The following ABCA4 variants were observed in gnomAD, a reference collection of about 807,000 sequenced individuals.
The protein encoded by ABCA4 is ATP binding cassette subfamily A member 4.
Under a neutral mutation model 263.7 loss-of-function variants are expected in ABCA4, and 196 were observed. That is an observed-to-expected ratio of 0.74 (90% CI 0.66 to 0.84). The LOEUF (loss-of-function observed/expected upper bound fraction) is 0.84. ABCA4 is among the 40% of genes least tolerant of loss of function. The pLI, the probability that ABCA4 is intolerant of heterozygous loss-of-function variation, is 0.00. For synonymous variants in ABCA4, 1,133 were observed against 1,094.2 expected, an observed-to-expected ratio of 1.04 and a Z score of -0.70; for missense variants, 2,792 against 2,855.1, an observed-to-expected ratio of 0.98 and a Z score of 0.50.
intron 31 of ABCA4, 30 bp from the exon 32 acceptor site, chr1:94,023,448 A>G (rs1024061962): frequency 8.2e-6 from 13 of 1,578,136 alleles, no homozygotes; most frequent in Non-Finnish European, 1.1e-5. Context: ...AATGCAATGA[A>G]TACCACAAGT....
At chr1:94,064,212 G>A (rs532039674) in intron 11 of ABCA4, among the ~76,000 whole-genome samples, 8 of 152,300 alleles carry the variant, frequency 5.3e-5, no homozygotes, top group African/African-American at 1.4e-4. Context: ...GAGCCTGGTC[G>A]ACTCTAGGAA....
chr1:94,001,183 C>T, intron 45 of ABCA4, 78 bp from the exon 46 acceptor site: 1 of 1,216,502 alleles, frequency 8.2e-7, no homozygotes, highest in Non-Finnish European at 1.2e-6. Context: ...GGGCTGGCTC[C>T]CCTGTGGAGG....
chr1:94,055,476 G>A (rs767219962), intron 15 of ABCA4, among the ~76,000 whole-genome samples, 161 bp from the exon 16 acceptor site: 13 of 152,146 alleles, frequency 8.5e-5, no homozygotes, highest in Non-Finnish European at 1.6e-4. Context: ...TTCCCTTGAC[G>A]GCCAGGGGGA....
At chr1:94,018,707 A>T in intron 36 of ABCA4, 1 of 423,510 alleles carries the variant, frequency 2.4e-6, no homozygotes, top group Non-Finnish European at 4.7e-6. Flanking sequence ...AGACACCTAG[A>T]ATAAATTGGG....
chr1:94,056,556 C>T (rs1557784584), intron 15 of ABCA4, 45 bp downstream of exon 15: 2 of 1,590,630 alleles, frequency 1.3e-6, no homozygotes, highest in Non-Finnish European at 1.7e-6. Flanking sequence ...ACGGACCCTT[C>T]CAAGGAAACG....
intron 43 of ABCA4, 134 bp downstream of exon 43, chr1:94,007,500 G>T: frequency 1.3e-6 from 1 of 793,796 alleles, no homozygotes; most frequent in East Asian, 2.5e-5. Context: ...CATGCTCTCT[G>T]GGAGGCCTCC....
At chr1:94,098,657 T>C (rs1662199939) in intron 6 of ABCA4, 137 bp downstream of exon 6, 1 of 1,001,644 alleles carries the variant, frequency 1.0e-6, no homozygotes, top group Non-Finnish European at 1.5e-6. Flanking sequence ...TTGTGATTTT[T>C]TGAGCCCTGG....
chr1:94,051,787 C>A, intron 16 of ABCA4, 89 bp from the exon 17 acceptor site: 1 of 975,306 alleles, frequency 1.0e-6, no homozygotes, highest in South Asian at 1.4e-5. Context: ...AGTTTATTTA[C>A]CTGAACCTCA....
At chr1:94,094,633 G>A (rs1280991934) in intron 6 of ABCA4, among the ~76,000 whole-genome samples, 2 of 152,180 alleles carry the variant, frequency 1.3e-5, no homozygotes, top group African/African-American at 4.8e-5. Flanking sequence ...CTTGGCACCC[G>A]CCTCGGTTCC....
chr1:94,001,641 G>A (rs769004216), intron 45 of ABCA4: 14 of 723,222 alleles, frequency 1.9e-5, no homozygotes, highest in African/African-American at 5.2e-5. Flanking sequence ...CAGGATGTGC[G>A]CAGTCCCAAG....
chr1:94,007,699 G>A lies in ABCA4; in HGVS notation c.5940C>T (p.Thr1980=), dbSNP rs758129527. Reference sequence around the variant, plus strand: ...TGTCCCCAGTGAGCATCTTGAATGTGGTTGTTTTGCCGGCACCATTCACTC... The same window carrying A: ...TGTCCCCAGTGAGCATCTTGAATGTAGTTGTTTTGCCGGCACCATTCACTC... ...LLGVNGAGKT[T]TFKMLTGDTT... Residue 1980 remains threonine, a synonymous_variant, in exon 43 of 50, where the codon ACC becomes ACT. Coordinates refer to ENST00000370225, the MANE Select transcript of ABCA4 (RefSeq NM_000350.3). 1.9e-6 allele frequency: 3 copies of A among 1,614,052 alleles called. No homozygotes were observed. The highest frequency in any genetic ancestry group is 2.2e-5 in the South Asian group (2 of 91,076).
intron 6 of ABCA4, among the ~76,000 whole-genome samples, chr1:94,092,319 G>A (rs554688920): frequency 6.6e-6 from 1 of 152,328 alleles, no homozygotes; most frequent in Admixed American, 6.5e-5. Context: ...GTGCTGCTGT[G>A]TTCAGTCCTG....
At chr1:94,002,550 G>A (rs187471033) in intron 44 of ABCA4, among the ~76,000 whole-genome samples, 139 of 152,374 alleles carry the variant, frequency 9.1e-4, no homozygotes, top group African/African-American at 3.2e-3. Flanking sequence ...ACAGTGCTGT[G>A]AGGGAACGAT....
intron 6 of ABCA4, among the ~76,000 whole-genome samples, chr1:94,091,304 C>G (rs1376634498): frequency 6.6e-6 from 1 of 152,072 alleles, no homozygotes; most frequent in African/African-American, 2.4e-5. Context: ...GATGAGGGTC[C>G]GGTCCTCACA....
rs185225547 is a variant in ABCA4, at chr1:94,078,714, C to G, written c.1240-8G>C. 1,562 of 1,595,540 alleles carry G rather than the reference C, an allele frequency of 9.8e-4. No homozygotes were observed. Among genetic ancestry groups the G allele is most frequent in the Non-Finnish European group, 1.3e-3 (1,509 of 1,162,976 alleles). ...TTCAAAAGTTGAGTTGGCCTAAAAC[C>G]AGACAGAGATCAAGACAGAGACACG... is the stretch of plus-strand genomic sequence containing the variant. On this transcript the variant is annotated splice_polypyrimidine_tract_variant and splice_region_variant and intron_variant, in intron 9 of 49. Coordinates refer to ENST00000370225, the MANE Select transcript of ABCA4 (RefSeq NM_000350.3).
chr1:94,072,497 A>T (rs1050705435), intron 11 of ABCA4, among the ~76,000 whole-genome samples: 1 of 152,230 alleles, frequency 6.6e-6, no homozygotes, highest in Non-Finnish European at 1.5e-5. Flanking sequence ...TAAACAAAAA[A>T]TCCAAAGGGG....
At chr1:94,048,214 T>C (rs183162061) in intron 18 of ABCA4, among the ~76,000 whole-genome samples, 6 of 152,366 alleles carry the variant, frequency 3.9e-5, no homozygotes, top group African/African-American at 1.4e-4. Flanking sequence ...CTGTGCTGCC[T>C]GTCTAAACCC....
chr1:94,046,853 A>C (rs1364713514), intron 19 of ABCA4, 66 bp downstream of exon 19: 1 of 1,579,098 alleles, frequency 6.3e-7, no homozygotes, highest in African/African-American at 1.3e-5. Context: ...AGCCGCTGAT[A>C]GGGAAAGACT....
Position 94,055,103 on chromosome 1 carries a change from A to T in ABCA4, c.2587+8T>A, listed in dbSNP as rs1315702948. 6.2e-7 allele frequency: 1 copy of T among 1,613,456 alleles called. No individual in the cohort carries two copies. The highest frequency in any genetic ancestry group is 2.2e-5 in the East Asian group (1 of 44,880). ...AATTACCTTTACCCTATAGAGGAGG[A>T]TGCTTACCTGGAAACACCTGATCAA... On this transcript the variant is annotated splice_region_variant and intron_variant, in intron 16 of 49. Transcript: ENST00000370225.
Sources: gnomAD v4.1 joint callset for allele counts (sites outside exome capture counted in the v4.1 genomes callset) on GRCh38, gnomAD v4.1.1 for gene constraint, MANE v1.5 for transcripts, NCBI Gene and HGNC (gene_info 2026-07-23, HGNC 2026-07-21) for gene names.